Variants in NPAS3 observed in about 807,000 individuals in gnomAD.
NPAS3 encodes neuronal PAS domain protein 3.
A neutral mutation model predicts 73.1 loss-of-function variants in NPAS3; 14 were observed. The ratio of observed to expected loss-of-function variants is 0.19; its 90% CI spans 0.13 to 0.30. The LOEUF (loss-of-function observed/expected upper bound fraction) is 0.30. Ranked by LOEUF, NPAS3 falls within the 10% of genes least tolerant of loss-of-function variation. The probability of loss-of-function intolerance (pLI) is 1.00; values close to 1 mark genes in which losing one functional copy is unlikely to be tolerated. For missense variants in NPAS3, 1,096 were observed against 1,250.0 expected, an observed-to-expected ratio of 0.88 and a Z score of 1.86; for synonymous variants, 620 against 541.5, an observed-to-expected ratio of 1.14 and a Z score of -2.01.
chr14:32,989,305 G>C (rs2038217224), intron 1 of NPAS3, among the ~76,000 whole-genome samples: 1 of 152,190 alleles, frequency 6.6e-6, no homozygotes, highest in African/African-American at 2.4e-5. Flanking sequence ...GACAGAGGTA[G>C]TCCTATACAG....
intron 3 of NPAS3, among the ~76,000 whole-genome samples, chr14:33,294,900 C>T (rs1006928011): frequency 6.6e-6 from 1 of 152,104 alleles, no homozygotes; most frequent in African/African-American, 2.4e-5. Context: ...GCTGAAGCCA[C>T]GTGGAAGGAA....
chr14:32,937,197 C>T (rs1358448944), upstream of NPAS3, among the ~76,000 whole-genome samples: 1 of 152,230 alleles, frequency 6.6e-6, no homozygotes, highest in East Asian at 1.9e-4. Context: ...TGTCCTCTGG[C>T]ACCTCAACAG....
intron 1 of NPAS3, among the ~76,000 whole-genome samples, chr14:33,024,297 G>C (rs1166609834): frequency 6.6e-6 from 1 of 151,830 alleles, no homozygotes. Flanking sequence ...TCAGCCTGCA[G>C]AGTAGCTGGG....
intron 6 of NPAS3, among the ~76,000 whole-genome samples, chr14:33,691,146 A>G (rs1264225612): frequency 2.0e-5 from 3 of 152,262 alleles, no homozygotes; most frequent in Non-Finnish European, 4.4e-5. Flanking sequence ...GGTGAAGCCC[A>G]GTTCCATTTA....
chr14:33,145,787 C>A (rs771549999), intron 2 of NPAS3, among the ~76,000 whole-genome samples: 4 of 152,168 alleles, frequency 2.6e-5, no homozygotes, highest in Admixed American at 6.5e-5. Context: ...TTGCAACTCT[C>A]CTAATGTGAT....
At chr14:33,551,087 G>T (rs948981557) in intron 4 of NPAS3, among the ~76,000 whole-genome samples, 2 of 152,144 alleles carry the variant, frequency 1.3e-5, no homozygotes, top group African/African-American at 4.8e-5. Context: ...TAACATAGAA[G>T]GGTTTCATGG....
chr14:32,938,703 C>G (rs2035811169), upstream of NPAS3, among the ~76,000 whole-genome samples: 1 of 151,068 alleles, frequency 6.6e-6, no homozygotes, highest in East Asian at 2.0e-4. Flanking sequence ...CCACCTGCCA[C>G]CGGGCTGCTC....
intron 1 of NPAS3, among the ~76,000 whole-genome samples, chr14:32,994,374 A>G (rs35896870): frequency 0.023 from 3,448 of 152,298 alleles, 70 homozygotes; most frequent in Middle Eastern, 0.092. Context: ...AATACTACTT[A>G]TACTTCTGTC....
intron 4 of NPAS3, among the ~76,000 whole-genome samples, chr14:33,408,329 G>A (rs575290106): frequency 6.4e-4 from 97 of 152,264 alleles, no homozygotes; most frequent in African/African-American, 2.1e-3. Flanking sequence ...ACATCTCCAG[G>A]TGGGTTGAGT....
At chr14:33,676,337 G>A (rs759079430) in exon 6 of NPAS3, 44 of 1,604,946 alleles carry the variant, frequency 2.7e-5, no homozygotes, top group Non-Finnish European at 3.5e-5. Context: ...TGCTGAGGAC[G>A]GAGCCAGCTC....
chr14:33,673,866 T>G (rs2059679405), intron 5 of NPAS3, among the ~76,000 whole-genome samples: 1 of 152,242 alleles, frequency 6.6e-6, no homozygotes. Flanking sequence ...ATTCTGGTCT[T>G]GAAGTCAGGT....
intron 2 of NPAS3, among the ~76,000 whole-genome samples, chr14:33,093,370 G>T (rs2042295771): frequency 6.6e-6 from 1 of 152,212 alleles, no homozygotes; most frequent in South Asian, 2.1e-4. Flanking sequence ...CATGAAAAAT[G>T]CTCATCATCA....
intron 5 of NPAS3, among the ~76,000 whole-genome samples, chr14:33,634,259 C>T (rs1372286095): frequency 1.3e-5 from 2 of 152,204 alleles, no homozygotes; most frequent in Non-Finnish European, 2.9e-5. Flanking sequence ...AATACGTGCA[C>T]TGTCTATTGG....
At chr14:33,560,205 T>A in exon 5 of NPAS3, 1 of 866,804 alleles carries the variant, frequency 1.2e-6, no homozygotes, top group Non-Finnish European at 2.0e-6. Context: ...CCTAGGCCTC[T>A]CACAAGTAAG....
intron 4 of NPAS3, among the ~76,000 whole-genome samples, chr14:33,381,930 A>C (rs1306391619): frequency 6.6e-6 from 1 of 152,160 alleles, no homozygotes; most frequent in African/African-American, 2.4e-5. Flanking sequence ...GGCTGTATTG[A>C]ATCAGACAGA....
chr14:33,508,126 C>T (rs939246492), intron 4 of NPAS3, among the ~76,000 whole-genome samples: 54 of 151,980 alleles, frequency 3.6e-4, no homozygotes, highest in African/African-American at 1.3e-3. Flanking sequence ...AAAAGCAGCC[C>T]GCATTCAGGT....
chr14:33,046,434 G>A (rs2040508256), intron 1 of NPAS3, among the ~76,000 whole-genome samples: 1 of 152,152 alleles, frequency 6.6e-6, no homozygotes, highest in African/African-American at 2.4e-5. Context: ...AGGAAGGTGA[G>A]TTTAAATCAG....
chr14:33,786,172 T>C (rs2063167572), intron 9 of NPAS3, among the ~76,000 whole-genome samples: 1 of 152,226 alleles, frequency 6.6e-6, no homozygotes, highest in African/African-American at 2.4e-5. Context: ...ATCAGACTTT[T>C]GTTATCCAGA....
intron 4 of NPAS3, among the ~76,000 whole-genome samples, chr14:33,461,726 T>A (rs2050274747): frequency 6.6e-6 from 1 of 152,182 alleles, no homozygotes; most frequent in Non-Finnish European, 1.5e-5. Flanking sequence ...GATAAGGTTA[T>A]GGATATAGGA....
Sources: gnomAD v4.1 joint callset for allele counts (sites outside exome capture counted in the v4.1 genomes callset) on GRCh38, gnomAD v4.1.1 for gene constraint, MANE v1.5 for transcripts, NCBI Gene and HGNC (gene_info 2026-07-23, HGNC 2026-07-21) for gene names.